Variants in DGCR6L observed in about 807,000 individuals in gnomAD.
The protein encoded by DGCR6L is protein DGCR6L.
Under a neutral mutation model 31.1 loss-of-function variants are expected in DGCR6L, and 24 were observed. The observed-to-expected ratio is 0.77, with a 90% CI of 0.56 to 1.08. The LOEUF is 1.08. Among genes scored for constraint, DGCR6L ranks in the 50% least tolerant of loss-of-function variants. The pLI, the probability that DGCR6L is intolerant of heterozygous loss-of-function variation, is 0.00. For synonymous variants in DGCR6L, 104 were observed against 126.1 expected (o/e 0.82, Z 1.17); for missense variants, 218 against 287.1 (o/e 0.76, Z 1.74).
rs1426880555 is a variant in DGCR6L, at chr22:20,320,032, C to T, written c.-44G>A. The T allele has an allele frequency of 2.7e-6, 4 of 1,496,354 alleles. No homozygotes were observed. The highest frequency in any genetic ancestry group is 3.5e-6 in the Non-Finnish European group (4 of 1,127,972). The allele number at this position is 1,496,354 out of a possible 1,614,324, so 92.7% of individuals were successfully genotyped here. ...CCGCCGGCGGCGGCGACGAGCTCCC[C>T]CAGCTTCACGACATCCCGAGCGCGG... is the stretch of plus-strand genomic sequence containing the variant. On this transcript the variant is annotated 5_prime_UTR_variant, in exon 1 of 5. Coordinates refer to ENST00000248879, the MANE Select transcript of DGCR6L (RefSeq NM_033257.4).
intron 2 of DGCR6L, chr22:20,318,423 G>C (rs2051585112): frequency 6.6e-6 from 1 of 151,992 alleles, no homozygotes; most frequent in South Asian, 2.1e-4. Flanking sequence ...GATAGATCAA[G>C]AGCAGGGCAT....
rs1439522386 is a variant in DGCR6L at position 20,314,598 on chromosome 22, A to T, written c.*77T>A. ...ACCTGGTCTCTCCTCAGCAGGGGGA[A>T]CCCCCTGCGGGCAGCTGGGAAGGCA... On this transcript the variant is annotated 3_prime_UTR_variant, in exon 5 of 5. Transcript: ENST00000248879. 3 of 1,484,592 alleles carry T rather than the reference A, an allele frequency of 2.0e-6. No homozygotes were observed. The highest frequency in any genetic ancestry group is 2.7e-6 in the Non-Finnish European group (3 of 1,112,708). The allele number at this position is 1,484,592 out of a possible 1,614,324, so 92.0% of individuals were successfully genotyped here. A position where few individuals can be genotyped will look rare whatever the true frequency, so the allele number is the denominator to read the frequency against.
In DGCR6L at chr22:20,319,914, C is replaced by T; in HGVS notation, c.75G>A (p.Leu25=). The T allele has an allele frequency of 6.2e-7, 1 of 1,611,034 alleles. No homozygotes were observed. The highest frequency in any genetic ancestry group is 8.5e-7 in the Non-Finnish European group (1 of 1,179,242). The change falls in exon 1 of 5, where the codon CTG becomes CTA. Residue 25 remains leucine, a synonymous_variant. Transcript: ENST00000248879. ...ARQQERHYQL[L]SALQSLVKEL... is the part of the protein sequence containing the mutation. ...CCTTCACCAGGCTCTGTAGCGCCGACAGCAACTGGTAGTGTCGCTCCTGCT... is the reference window on the plus strand; with the variant it reads ...CCTTCACCAGGCTCTGTAGCGCCGATAGCAACTGGTAGTGTCGCTCCTGCT...
chr22:20,317,642 C>T (rs543972679), intron 2 of DGCR6L, among the ~76,000 whole-genome samples: 1 of 152,306 alleles, frequency 6.6e-6, no homozygotes, highest in South Asian at 2.1e-4. Context: ...GAAAAATGGC[C>T]GATTCCAGGA....
In DGCR6L at chr22:20,316,203, C is replaced by T. The variant is rs1314024324; in HGVS notation, c.288G>A (p.Leu96=). The change falls in exon 3 of 5, where the codon CTG becomes CTA. Residue 96 remains leucine, a synonymous_variant. Transcript: ENST00000248879. Reference sequence around the variant, plus strand: ...GCTGGGCTTCCTGGTGCTTCTGCCGCAGCGCCTGCCTGAGCACTGGGAGGG... The same window carrying T: ...GCTGGGCTTCCTGGTGCTTCTGCCGTAGCGCCTGCCTGAGCACTGGGAGGG... ...QNEHRVLRQA[L]RQKHQEAQQA... 3.7e-6 allele frequency: 6 copies of T among 1,605,954 alleles called. No individual in the cohort carries two copies. The highest frequency in any genetic ancestry group is 2.7e-5 in the African/African-American group (2 of 74,842).
At chr22:20,315,103 C>T (rs1051325829) in intron 4 of DGCR6L, 1 of 1,222,012 alleles carries the variant, frequency 8.2e-7, no homozygotes, top group African/African-American at 1.5e-5. Flanking sequence ...CCCTGTGTGG[C>T]ACAGCAGGCC....
At position 20,320,043 on chromosome 22, in the gene DGCR6L, A is replaced by G; in HGVS notation, c.-55T>C. The stretch of plus-strand genomic sequence containing the variant: ...GGCGACGAGCTCCCCCAGCTTCACG[A>G]CATCCCGAGCGCGGCGCGTCCCGCC... On this transcript the variant is annotated 5_prime_UTR_variant, in exon 1 of 5. Coordinates refer to ENST00000248879, the MANE Select transcript of DGCR6L (RefSeq NM_033257.4). 1.4e-6 allele frequency: 2 copies of G among 1,474,014 alleles called. No individual in the cohort carries two copies. The highest frequency in any genetic ancestry group is 1.4e-5 in the South Asian group (1 of 71,648). The allele number at this position is 1,474,014 out of a possible 1,614,324, so 91.3% of individuals were successfully genotyped here. A position where few individuals can be genotyped will look rare whatever the true frequency, so the allele number is the denominator to read the frequency against.
At chr22:20,319,097 A>G (rs1169945043) in intron 2 of DGCR6L, among the ~76,000 whole-genome samples, 1 of 152,342 alleles carries the variant, frequency 6.6e-6, no homozygotes, top group Admixed American at 6.5e-5. Context: ...CCTGCCCTAT[A>G]TAATTTGCAG....
At position 20,319,755 on chromosome 22, in the gene DGCR6L, G is replaced by A; in HGVS notation, c.155C>T (p.Ala52Val). 1 of 1,612,710 alleles carries A rather than the reference G, an allele frequency of 6.2e-7. No homozygotes were observed. The highest frequency in any genetic ancestry group is 8.5e-7 in the Non-Finnish European group (1 of 1,179,496). ...CACGGTGCCGTCGAGAAGCGCCAGG[G>A]CCAGGTCGCTGAGCGTGGTGTAGGA... ...RLSYTTLSDL[A>V]LALLDGTVFE... Residue 52 changes from alanine to valine, a missense_variant, in exon 2 of 5, where the codon GCC becomes GTC. Transcript: ENST00000248879.
intron 2 of DGCR6L, 149 bp downstream of exon 2, chr22:20,319,490 G>T: frequency 7.2e-7 from 1 of 1,384,496 alleles, no homozygotes; most frequent in East Asian, 2.5e-5. Context: ...AAAAGGCGCT[G>T]TCTCAGTCTC....
intron 4 of DGCR6L, 156 bp downstream of exon 4, chr22:20,315,180 G>A (rs369769706): frequency 3.7e-5 from 56 of 1,510,368 alleles, no homozygotes; most frequent in Non-Finnish European, 4.6e-5. Context: ...CCTGGCCTCC[G>A]TGCTGGGAAT....
intron 2 of DGCR6L, among the ~76,000 whole-genome samples, chr22:20,317,261 C>T (rs2051577693): frequency 6.6e-6 from 1 of 152,188 alleles, no homozygotes; most frequent in African/African-American, 2.4e-5. Flanking sequence ...TACCAAAAGC[C>T]CCCCTCAAGA....
At chr22:20,317,123 G>A (rs1368315467) in intron 2 of DGCR6L, among the ~76,000 whole-genome samples, 2 of 152,180 alleles carry the variant, frequency 1.3e-5, no homozygotes, top group African/African-American at 4.8e-5. Flanking sequence ...CTCTTCTCTG[G>A]TGGCCAGTCC....
chr22:20,317,378 C>A (rs2051578525), intron 2 of DGCR6L, among the ~76,000 whole-genome samples: 1 of 152,264 alleles, frequency 6.6e-6, no homozygotes, highest in Admixed American at 6.5e-5. Flanking sequence ...GATAGACAAC[C>A]AAAAGGCAAG....
Position 20,319,633 on chromosome 22 carries a change from G to C in DGCR6L, c.271+6C>G. ...GGCGGCACCTCATCCCGCTGCCCCC[G>C]CGCACCTCGGTGCTCGTTCTGTAGG... On this transcript the variant is annotated splice_donor_region_variant and intron_variant, in intron 2 of 4. Transcript: ENST00000248879. 6.2e-7 allele frequency: 1 copy of C among 1,610,688 alleles called. No individual in the cohort carries two copies. The highest frequency in any genetic ancestry group is 8.5e-7 in the Non-Finnish European group (1 of 1,179,612).
At chr22:20,319,589 G>C (rs749264723) in intron 2 of DGCR6L, 50 bp downstream of exon 2, 1 of 1,597,382 alleles carries the variant, frequency 6.3e-7, no homozygotes, top group Admixed American at 1.7e-5. Context: ...GAGCTGCCCG[G>C]AGGCGCCGAC....
At chr22:20,319,010 C>T (rs2051588749) in intron 2 of DGCR6L, among the ~76,000 whole-genome samples, 5 of 152,218 alleles carry the variant, frequency 3.3e-5, no homozygotes, top group African/African-American at 2.4e-5. Flanking sequence ...ATCTTTTCAG[C>T]TTTTCTAAAT....
At chr22:20,316,033 A>G in intron 3 of DGCR6L, 86 bp downstream of exon 3, 1 of 1,449,540 alleles carries the variant, frequency 6.9e-7, no homozygotes, top group Non-Finnish European at 9.2e-7. Context: ...CTGAGCCCCC[A>G]CACCCCTTCA....
At chr22:20,316,784 G>T (rs968574553) in intron 2 of DGCR6L, among the ~76,000 whole-genome samples, 1 of 152,240 alleles carries the variant, frequency 6.6e-6, no homozygotes, top group Non-Finnish European at 1.5e-5. Context: ...GGGCAGACCT[G>T]GGAGGCCCAA....
Sources: allele counts gnomAD v4.1 joint callset (sites outside exome capture counted in the v4.1 genomes callset), GRCh38; gene constraint gnomAD v4.1.1; transcripts MANE v1.5; gene names NCBI Gene and HGNC (gene_info 2026-07-23, HGNC 2026-07-21).